The following TPO variants were observed in gnomAD, a reference collection of about 807,000 sequenced individuals.
TPO encodes thyroid microsomal antigen.
A neutral mutation model predicts 96.9 loss-of-function variants in TPO; 78 were observed. The ratio of observed to expected loss-of-function variants is 0.81; its 90% CI spans 0.67 to 0.97. The LOEUF (loss-of-function observed/expected upper bound fraction) is 0.97, where lower values mean the gene tolerates loss of function less well. TPO is among the 50% of genes least tolerant of loss of function. TPO has a pLI of 0.00. For missense variants in TPO, 1,252 were observed against 1,274.8 expected (o/e 0.98, Z 0.27); for synonymous variants, 547 against 538.0 (o/e 1.02, Z -0.23).
chr2:1,539,470 C>G (rs1015209670), intron 15 of TPO, among the ~76,000 whole-genome samples: 1 of 152,164 alleles, frequency 6.6e-6, no homozygotes, highest in Non-Finnish European at 1.5e-5. Context: ...CTGAAGCCAC[C>G]AAGGACCGTT....
chr2:1,500,571 C>T (rs1672773633), intron 13 of TPO, among the ~76,000 whole-genome samples: 1 of 152,164 alleles, frequency 6.6e-6, no homozygotes, highest in African/African-American at 2.4e-5. Flanking sequence ...GAAAGGAAGG[C>T]TACGGGCTTA....
intron 3 of TPO, among the ~76,000 whole-genome samples, chr2:1,432,698 C>A (rs1183374350): frequency 1.4e-5 from 1 of 73,470 alleles, no homozygotes; most frequent in Non-Finnish European, 2.4e-5. Flanking sequence ...GTGAGGCCTG[C>A]AGGTGAGGTG....
Position 1,507,598 on chromosome 2 carries a change from A to C in TPO, c.2518+3519A>C, listed in dbSNP as rs564470542. Among the ~76,000 whole-genome samples, 529 of 152,228 alleles carry C rather than the reference A, an allele frequency of 3.5e-3. 14 individuals carry two copies. In the East Asian group the frequency reaches 0.052, roughly 15 times the overall value. On this transcript the variant is annotated intron_variant, in intron 14 of 16. Transcript: ENST00000329066. ...GTAGTTCTCCTTCAAGAGGTCCTTC[A>C]CATCCCTTGTAAGTTGGATTCCTAG...
At chr2:1,488,131 C>T in intron 10 of TPO, 140 bp downstream of exon 10, 1 of 1,231,054 alleles carries the variant, frequency 8.1e-7, no homozygotes, top group Non-Finnish European at 1.1e-6. Flanking sequence ...TTAAAGGGCT[C>T]CAGTTCATTC....
intron 5 of TPO, among the ~76,000 whole-genome samples, chr2:1,448,294 G>A (rs1046418149): frequency 1.3e-5 from 2 of 152,214 alleles, no homozygotes; most frequent in South Asian, 2.1e-4. Flanking sequence ...CGCAGCTCCT[G>A]CATGCAGCTC....
upstream of TPO, among the ~76,000 whole-genome samples, chr2:1,408,609 G>C (rs1336197573): frequency 6.6e-6 from 1 of 152,180 alleles, no homozygotes; most frequent in East Asian, 1.9e-4. Context: ...TGAGTGGGTG[G>C]GCACGTGCAG....
chr2:1,540,245 TTGTC>T (rs1176180447), intron 15 of TPO, among the ~76,000 whole-genome samples: 1 of 152,114 alleles, frequency 6.6e-6, no homozygotes, highest in Non-Finnish European at 1.5e-5. Flanking sequence ...AAGCCTAACG[TTGTC>T]TGTCATTTGG....
chr2:1,449,033 T>G (rs116499840), intron 5 of TPO, among the ~76,000 whole-genome samples: 1,844 of 152,310 alleles, frequency 0.012, 37 homozygotes, highest in African/African-American at 0.042. Context: ...CCAGCGGCCA[T>G]TCTGCACTAA....
At chr2:1,443,289 G>A (rs1323852919) in intron 5 of TPO, among the ~76,000 whole-genome samples, 6 of 152,280 alleles carry the variant, frequency 3.9e-5, no homozygotes, top group South Asian at 4.1e-4. Context: ...CACCGTGTTG[G>A]AAGGGAGTGG....
In TPO at chr2:1,496,602, G is replaced by A. The variant is rs543856152; in HGVS notation, c.2223G>A (p.Lys741=). 6.2e-6 allele frequency: 10 copies of A among 1,614,032 alleles called. No homozygotes were observed. In the East Asian group the frequency reaches 2.0e-4, roughly 32 times the overall value. ...CCTGTCCACATTTCATAGACGACAA[G>A]TGTGGCTTCCCAGAGAGCGTGGAGA... The part of the protein sequence containing the change: ...AWRETFPQDD[K]CGFPESVENG... The change falls in exon 13 of 17, where the codon AAG becomes AAA. Residue 741 remains lysine (K), a synonymous_variant. Coordinates refer to ENST00000329066, the MANE Select transcript of TPO (RefSeq NM_001206744.2).
chr2:1,459,344 G>C (rs559900291), intron 7 of TPO, among the ~76,000 whole-genome samples: 1 of 151,994 alleles, frequency 6.6e-6, no homozygotes, highest in East Asian at 1.9e-4. Context: ...TAGAGACGGG[G>C]TGTCACCATG....
chr2:1,432,386 G>C (rs914574851), intron 3 of TPO, among the ~76,000 whole-genome samples: 5 of 152,270 alleles, frequency 3.3e-5, no homozygotes, highest in Admixed American at 2.0e-4. Context: ...AGGCAAGCCA[G>C]TTGTGAAACC....
rs563063648 is a variant in TPO at position 1,382,620 on chromosome 2, C to G, written n.180+8218C>G. Reference sequence around the variant, plus strand: ...CAAAGGATACAGGCAGCAAACTGCCCTGAAACTGATGGAAAGAACCTTGCT... The same window carrying G: ...CAAAGGATACAGGCAGCAAACTGCCGTGAAACTGATGGAAAGAACCTTGCT... On this transcript the variant is annotated intron_variant and non_coding_transcript_variant, in intron 1 of 5. Transcript: ENST00000497517. 2.3e-3 allele frequency among the ~76,000 whole-genome samples: 349 copies of G among 152,262 alleles called. 1 individual carries two copies. Among genetic ancestry groups the G allele is most frequent in the Non-Finnish European group, 4.3e-3 (292 of 68,018 alleles).
At chr2:1,479,346 C>T (rs928368506) in intron 8 of TPO, among the ~76,000 whole-genome samples, 13 of 152,224 alleles carry the variant, frequency 8.5e-5, no homozygotes, top group Admixed American at 1.3e-4. Context: ...TTTCTCAGGA[C>T]CCACAATTTG....
intron 5 of TPO, among the ~76,000 whole-genome samples, chr2:1,446,144 C>T (rs904530361): frequency 6.6e-6 from 1 of 152,156 alleles, no homozygotes; most frequent in Non-Finnish European, 1.5e-5. Context: ...AGATCGAGAA[C>T]TGTACACCCC....
intron 14 of TPO, among the ~76,000 whole-genome samples, chr2:1,511,152 CCTGGGGGTGCCACAGCACAGCCCTGCAGA>C (rs1558385463): frequency 1.6e-5 from 2 of 126,248 alleles, no homozygotes; most frequent in African/African-American, 3.0e-5. Context: ...GTATTCATTT[CCTGGGGGTGCCACAGCACAGCCCTGCAGA>C]CTGGGGGTGC....
rs1456224168 is a variant in TPO at position 1,524,891 on chromosome 2, G to A, written c.2618+7909G>A. The stretch of plus-strand genomic sequence containing the variant: ...GTGATGTAACCTCCTCAAATTGCCC[G>A]CACTGTACAACCTCCTCAAATCTCC... On this transcript the variant is annotated intron_variant, in intron 15 of 16. Transcript: ENST00000329066. 2.9e-4 allele frequency among the ~76,000 whole-genome samples: 21 copies of A among 72,586 alleles called. 3 individuals carry two copies. Among genetic ancestry groups the A allele is most frequent in the African/African-American group, 1.1e-3 (18 of 17,102 alleles). The allele number at this position is 72,586 out of a possible 152,430, so 47.6% of individuals were successfully genotyped here.
In TPO at chr2:1,542,669, T is replaced by A; in HGVS notation, c.*195T>A. On this transcript the variant is annotated 3_prime_UTR_variant, in exon 17 of 17. Coordinates refer to ENST00000329066, the MANE Select transcript of TPO (RefSeq NM_001206744.2). Reference sequence around the variant, plus strand: ...GCTGCATTTGTCTGGCCTTTTCTTGTAAACATTGCCTGATTTGTTCCTTCT... The same window carrying A: ...GCTGCATTTGTCTGGCCTTTTCTTGAAAACATTGCCTGATTTGTTCCTTCT... 6.7e-7 allele frequency: 1 copy of A among 1,494,450 alleles called. No individual in the cohort carries two copies. The highest frequency in any genetic ancestry group is 9.1e-7 in the Non-Finnish European group (1 of 1,102,658). The allele number at this position is 1,494,450 out of a possible 1,614,324, so 92.6% of individuals were successfully genotyped here.
At chr2:1,374,977 C>T (rs1661700055) in intron 1 of TPO, among the ~76,000 whole-genome samples, 1 of 152,112 alleles carries the variant, frequency 6.6e-6, no homozygotes, top group Admixed American at 6.6e-5. Flanking sequence ...CATCTACCCA[C>T]CTTGGCCTCC....
Sources: allele counts gnomAD v4.1 joint callset (sites outside exome capture counted in the v4.1 genomes callset), GRCh38; gene constraint gnomAD v4.1.1; transcripts MANE v1.5; gene names NCBI Gene and HGNC (gene_info 2026-07-23, HGNC 2026-07-21).